The following RALGDS variants were observed in gnomAD, a reference collection of about 807,000 sequenced individuals.
RALGDS encodes ral guanine nucleotide exchange factor.
In RALGDS, 44 loss-of-function variants were observed where a neutral mutation model predicts 99.8. The observed-to-expected ratio is 0.44, with a 90% CI of 0.35 to 0.57. The LOEUF (loss-of-function observed/expected upper bound fraction) is 0.57. Among genes scored for constraint, RALGDS ranks in the 20% least tolerant of loss-of-function variants. The pLI is 0.01. For missense variants in RALGDS, 1,022 were observed against 1,203.1 expected, an observed-to-expected ratio of 0.85 and a Z score of 2.23; for synonymous variants, 529 against 505.0, an observed-to-expected ratio of 1.05 and a Z score of -0.64.
intron 1 of RALGDS, 57 bp downstream of exon 1, chr9:133,120,915 T>TA: frequency 7.0e-7 from 1 of 1,437,950 alleles, no homozygotes; most frequent in Non-Finnish European, 9.1e-7. Flanking sequence ...TGCCCAGCTC[T>TA]GCCGCGGGTG....
At chr9:133,103,142 C>G in intron 12 of RALGDS, 88 bp downstream of exon 12, 1 of 1,541,898 alleles carries the variant, frequency 6.5e-7, no homozygotes, top group Non-Finnish European at 8.9e-7. Flanking sequence ...TCCCATGAAT[C>G]TAAGGAGAGG....
chr9:133,143,786 C>CTAACAACAACAACAACAACAATAAT (rs1832572059), intron 1 of RALGDS, among the ~76,000 whole-genome samples: 4 of 125,508 alleles, frequency 3.2e-5, no homozygotes, highest in African/African-American at 1.4e-4. Context: ...ACAACAACAA[C>CTAACAACAACAACAACAACAATAAT]AATAATAATA....
chr9:133,141,986 T>C (rs1832530971), intron 1 of RALGDS, among the ~76,000 whole-genome samples: 1 of 152,184 alleles, frequency 6.6e-6, no homozygotes, highest in Non-Finnish European at 1.5e-5. Flanking sequence ...CCACACGTGG[T>C]ACCCCATGGC....
At chr9:133,138,502 C>T (rs1171439257) in intron 1 of RALGDS, among the ~76,000 whole-genome samples, 2 of 152,210 alleles carry the variant, frequency 1.3e-5, no homozygotes, top group African/African-American at 2.4e-5. Flanking sequence ...TCATGGTGGG[C>T]AGCTGGGTGT....
At position 133,106,108 on chromosome 9, in the gene RALGDS, C is replaced by T. The variant is rs189372982; in HGVS notation, c.1518-92G>A. On this transcript the variant is annotated intron_variant, in intron 8 of 17. Coordinates refer to ENST00000372050, the MANE Select transcript of RALGDS (RefSeq NM_006266.4). ...GTTTTATTTTAGAGCTGAAAGACCC[C>T]AGACTGCCTGAACGCAGCACACAGG... is the stretch of plus-strand genomic sequence containing the variant. 1.1e-3 allele frequency: 1,132 copies of T among 998,214 alleles called. 1 individual carries two copies. Among genetic ancestry groups the T allele is most frequent in the Non-Finnish European group, 1.6e-3 (1,003 of 646,092 alleles). The allele number at this position is 998,214 out of a possible 1,614,324, so 61.8% of individuals were successfully genotyped here.
chr9:133,112,450 C>T (rs1226224845), intron 1 of RALGDS, among the ~76,000 whole-genome samples: 1 of 152,176 alleles, frequency 6.6e-6, no homozygotes, highest in African/African-American at 2.4e-5. Context: ...AAGCCATCCC[C>T]TTCCACACAG....
intron 1 of RALGDS, among the ~76,000 whole-genome samples, chr9:133,129,580 C>T (rs1832271042): frequency 6.6e-6 from 1 of 152,192 alleles, no homozygotes; most frequent in South Asian, 2.1e-4. Context: ...CACTCCCATT[C>T]CCCCTGTGTC....
chr9:133,129,981 ATTTT>A, intron 1 of RALGDS, among the ~76,000 whole-genome samples: 1 of 145,912 alleles, frequency 6.9e-6, no homozygotes, highest in Non-Finnish European at 1.5e-5. Context: ...TGCTCGGCTA[ATTTT>A]TTTTTGAGAC....
At chr9:133,100,205 C>G in intron 17 of RALGDS, 63 bp downstream of exon 17, 1 of 1,466,074 alleles carries the variant, frequency 6.8e-7, no homozygotes. Context: ...GGCTTCCAAC[C>G]TGGGGCTGGG....
intron 1 of RALGDS, among the ~76,000 whole-genome samples, chr9:133,143,976 C>T (rs1832581369): frequency 6.6e-6 from 1 of 152,028 alleles, no homozygotes; most frequent in South Asian, 2.1e-4. Flanking sequence ...ATATCAAAGG[C>T]GCCTCTGAGG....
Position 133,103,570 on chromosome 9 carries a change from C to A in RALGDS, c.1758+177G>T, listed in dbSNP as rs541736240. Reference sequence around the variant, plus strand: ...TCAGGGTCACTGCCTGAGGGATGGGCTGTGTCCCACTCAGCCAAACCCTGC... The same window carrying A: ...TCAGGGTCACTGCCTGAGGGATGGGATGTGTCCCACTCAGCCAAACCCTGC... On this transcript the variant is annotated intron_variant, in intron 11 of 17. Transcript: ENST00000372050. The A allele has an allele frequency of 7.9e-6, 6 of 756,502 alleles. No homozygotes were observed. In the South Asian group the frequency reaches 9.1e-5, roughly 11 times the overall value. The allele number at this position is 756,502 out of a possible 1,614,324, so 46.9% of individuals were successfully genotyped here.
In RALGDS at chr9:133,113,676, T is replaced by G. The variant is rs1035875722; in HGVS notation, c.184-1524A>C. On this transcript the variant is annotated intron_variant, in intron 1 of 17. Transcript: ENST00000372050. ...TCCCCTGCCTAGAAAGTTGTTCCTTTGAAAAGAAAAGCATTAGAGGTTACA... is the reference window on the plus strand; with the variant it reads ...TCCCCTGCCTAGAAAGTTGTTCCTTGGAAAAGAAAAGCATTAGAGGTTACA... Among the ~76,000 whole-genome samples the G allele has an allele frequency of 2.0e-5, 3 of 152,078 alleles. No homozygotes were observed. The South Asian group carries it at 6.2e-4, about 31-fold the overall frequency.
chr9:133,128,066 A>G (rs936498724), intron 1 of RALGDS, among the ~76,000 whole-genome samples: 1 of 152,188 alleles, frequency 6.6e-6, no homozygotes, highest in Non-Finnish European at 1.5e-5. Flanking sequence ...AAATGCATCC[A>G]TGGGCTGCAA....
At chr9:133,121,299 AG>A, upstream of RALGDS, 1 of 296,458 alleles carries the variant, frequency 3.4e-6, no homozygotes, top group Non-Finnish European at 4.8e-6. Flanking sequence ...GGAGGGGAAG[AG>A]GGTGGGGCCG....
At chr9:133,102,930 A>G in intron 12 of RALGDS, 30 bp from the exon 13 acceptor site, 1 of 1,611,582 alleles carries the variant, frequency 6.2e-7, no homozygotes, top group Non-Finnish European at 8.5e-7. Context: ...CAGGGCGGTG[A>G]CAAGGCCCCC....
Position 133,101,651 on chromosome 9 carries a change from G to C in RALGDS, c.2323C>G (p.His775Asp). Residue 775 changes from histidine to aspartate, a missense_variant, in exon 16 of 18, where the codon CAC (histidine) becomes GAC (aspartate). His to Asp is a moderately conservative substitution (Grantham distance 81). Around this residue, in one of 3 missense-constraint regions of RALGDS, gnomAD observed 825 missense variants for 994.5 expected, o/e 0.83. Transcript: ENST00000372050. The stretch of plus-strand genomic sequence containing the variant: ...CAGAGCCCTGAGACAGAGCGCTTGT[G>C]GGTGCGTGTGGCAGCCACGGGCGTG... ...STTPVAATRT[H>D]KRSVSGLCNS... 1 of 1,613,896 alleles carries C rather than the reference G, an allele frequency of 6.2e-7. No individual in the cohort carries two copies. Among genetic ancestry groups the C allele is most frequent in the South Asian group, 1.1e-5 (1 of 91,088 alleles).
At chr9:133,131,952 T>C (rs1564251925), upstream of RALGDS, among the ~76,000 whole-genome samples, 2 of 152,184 alleles carry the variant, frequency 1.3e-5, no homozygotes, top group African/African-American at 4.8e-5. Flanking sequence ...CCAGTGGGGA[T>C]TGAGGAGTTC....
chr9:133,102,968 T>C (rs1830833350), intron 12 of RALGDS, 68 bp from the exon 13 acceptor site: 5 of 1,597,106 alleles, frequency 3.1e-6, no homozygotes, highest in Non-Finnish European at 4.3e-6. Flanking sequence ...AGTCTCTGGG[T>C]CTTTGTTCTT....
At chr9:133,102,753 G>A (rs1277027714) in intron 13 of RALGDS, 26 bp downstream of exon 13, 10 of 1,608,080 alleles carry the variant, frequency 6.2e-6, no homozygotes, top group South Asian at 5.5e-5. Context: ...TGCCCCCACT[G>A]TCCCCATTTG....
Sources: gnomAD v4.1 joint callset for allele counts (sites outside exome capture counted in the v4.1 genomes callset) on GRCh38, gnomAD v4.1.1 for gene constraint, gnomAD v4.1.1 regional missense constraint, MANE v1.5 for transcripts, NCBI Gene and HGNC (gene_info 2026-07-23, HGNC 2026-07-21) for gene names.